ZNF737: variants seen among roughly 807,000 people sequenced by gnomAD.
ZNF737 encodes zinc finger protein 102 (Y3).
ZNF737 carries 13 observed loss-of-function variants against 11.7 expected under a neutral mutation model. The ratio of observed to expected loss-of-function variants is 1.11; its 90% CI spans 0.73 to 1.77. ZNF737 has a LOEUF of 1.77. ZNF737 is among the 40% of genes most tolerant of loss of function. The probability of loss-of-function intolerance (pLI) is 0.00; values close to 1 mark genes in which losing one functional copy is unlikely to be tolerated. For missense variants in ZNF737, 636 were observed against 638.0 expected, an observed-to-expected ratio of 1.00 and a Z score of 0.03; for synonymous variants, 217 against 216.2, an observed-to-expected ratio of 1.00 and a Z score of -0.03.
chr19:20,565,498 GA>G (rs1969264262), intron 1 of ZNF737, 139 bp downstream of exon 1: 1 of 1,462,272 alleles, frequency 6.8e-7, no homozygotes, highest in Non-Finnish European at 9.6e-7. Flanking sequence ...GAACGGGACT[GA>G]GGCCGAGCTG....
downstream of ZNF737, among the ~76,000 whole-genome samples, chr19:20,531,352 T>C (rs1213403875): frequency 6.7e-6 from 1 of 149,814 alleles, no homozygotes; most frequent in Non-Finnish European, 1.5e-5. Flanking sequence ...TGTTGTTGAT[T>C]TTAAAATTAT....
At chr19:20,548,480 TTGTC>T (rs1414483242) in intron 3 of ZNF737, among the ~76,000 whole-genome samples, 2 of 152,170 alleles carry the variant, frequency 1.3e-5, no homozygotes, top group Admixed American at 6.5e-5. Context: ...AGTGGAAGGT[TTGTC>T]TGTCAAAGGC....
chr19:20,550,030 C>T (rs1555757992), intron 3 of ZNF737, among the ~76,000 whole-genome samples: 1 of 151,528 alleles, frequency 6.6e-6, no homozygotes. Flanking sequence ...CACTGTGTGG[C>T]AGTAAAATTT....
chr19:20,552,486 G>A lies in ZNF737; in HGVS notation c.215C>T (p.Ala72Val). ...PLTMKKHEMV[A>V]NPSVTCSHFA... ...TCACTTGCACCTACCTGAGGGGTTG[G>A]CTACCATCTCATGTTTCTTCATGGT... The change falls in exon 3 of 4, where the codon GCC becomes GTC. Residue 72 changes from alanine to valine, a missense_variant. By Grantham distance (64) the Ala-to-Val change is moderately conservative. Coordinates refer to ENST00000427401, the MANE Select transcript of ZNF737 (RefSeq NM_001159293.2). The A allele has an allele frequency of 1.3e-6, 2 of 1,591,358 alleles. No homozygotes were observed. The highest frequency in any genetic ancestry group is 1.7e-6 in the Non-Finnish European group (2 of 1,171,772).
chr19:20,540,461 A>G lies in ZNF737; in HGVS notation c.*4131T>C, dbSNP rs1430991738. 3.3e-5 allele frequency among the ~76,000 whole-genome samples: 5 copies of G among 152,114 alleles called. No homozygotes were observed. Among genetic ancestry groups the G allele is most frequent in the Non-Finnish European group, 7.4e-5 (5 of 68,008 alleles). On this transcript the variant is annotated 3_prime_UTR_variant, in exon 4 of 4. Coordinates refer to ENST00000427401, the MANE Select transcript of ZNF737 (RefSeq NM_001159293.2). ...GAATGTTGCCTACCCACCTAAATAA[A>G]TGTTTAAAATCATCTTTTGCTGGGC...
intron 1 of ZNF737, among the ~76,000 whole-genome samples, chr19:20,557,610 C>G (rs891377564): frequency 1.5e-5 from 2 of 129,294 alleles, no homozygotes; most frequent in South Asian, 4.9e-4. Context: ...TTAAGGTTTT[C>G]TAGGGTAATT....
rs33927 is a variant in ZNF737 at position 20,544,405 on chromosome 19, C to T, written c.*187G>A. ...GTAAGGGCAGAGGTGTCCTTAAAGG[C>T]TTTGCTGCATTTTCTTATTTGTTGG... On this transcript the variant is annotated 3_prime_UTR_variant, in exon 4 of 4. Transcript: ENST00000427401. 0.1 allele frequency: 151,145 copies of T among 1,440,050 alleles called. 8,546 individuals carry two copies. Among genetic ancestry groups the T allele is most frequent in the East Asian group, 0.19 (7,616 of 40,094 alleles). The allele number at this position is 1,440,050 out of a possible 1,614,324, so 89.2% of individuals were successfully genotyped here.
At chr19:20,556,453 C>G (rs1021185488) in intron 1 of ZNF737, among the ~76,000 whole-genome samples, 9 of 152,254 alleles carry the variant, frequency 5.9e-5, no homozygotes, top group Non-Finnish European at 7.4e-5. Context: ...CATTGCCTCT[C>G]AAGCTTTAAC....
chr19:20,534,714 G>A (rs1383984354), downstream of ZNF737, among the ~76,000 whole-genome samples: 2 of 149,784 alleles, frequency 1.3e-5, no homozygotes, highest in African/African-American at 4.9e-5. Context: ...CAGAACAAAT[G>A]TGTTAAACTT....
chr19:20,545,888 G>C lies in ZNF737; in HGVS notation c.315C>G (p.Asn105Lys). ...TAAACTGTAAATTGTCATGTCCATA[G>C]TTTTCATATCTTCTCAGTGTCACTT... ...FQKVTLRRYE[N>K]YGHDNLQFKK... Residue 105 changes from asparagine to lysine, a missense_variant, in exon 4 of 4, where the codon AAC (asparagine) becomes AAG (lysine). By Grantham distance (94) the Asn-to-Lys change is moderately conservative (BLOSUM62 0). Transcript: ENST00000427401. 1 of 1,611,300 alleles carries C rather than the reference G, an allele frequency of 6.2e-7. No individual in the cohort carries two copies. Among genetic ancestry groups the C allele is most frequent in the South Asian group, 1.1e-5 (1 of 90,304 alleles).
At position 20,542,732 on chromosome 19, in the gene ZNF737, C is replaced by T; in HGVS notation, c.*1860G>A. The T allele has an allele frequency of 1.0e-6, 1 of 984,462 alleles. No homozygotes were observed. The highest frequency in any genetic ancestry group is 1.2e-6 in the Non-Finnish European group (1 of 829,128). The allele number at this position is 984,462 out of a possible 1,614,324, so 61.0% of individuals were successfully genotyped here. ...ACTTGTATTTTCATTATGCGTCTTA[C>T]ATTTTAATGTTCTTACTATTTTATA... On this transcript the variant is annotated 3_prime_UTR_variant, in exon 4 of 4. Transcript: ENST00000427401.
chr19:20,535,995 A>G (rs1409767337), downstream of ZNF737: 5 of 831,042 alleles, frequency 6.0e-6, no homozygotes, highest in African/African-American at 9.3e-5. Context: ...TATTTTCCAC[A>G]TTTTCCTGTT....
Position 20,545,438 on chromosome 19 carries a change from T to C in ZNF737, c.765A>G (p.Lys255=), listed in dbSNP as rs782274244. 10 of 1,613,764 alleles carry C rather than the reference T, an allele frequency of 6.2e-6. No homozygotes were observed. The Admixed American group carries it at 1.7e-4, about 27-fold the overall frequency. ...TGCCACATTCTTCACATTTGTAGGG[T>C]TTCTCTCCACTATGAATTATCTTAT... is the stretch of plus-strand genomic sequence containing the variant. ...TAHKIIHSGE[K]PYKCEECGKA... The change falls in exon 4 of 4, where the codon AAA becomes AAG. Residue 255 remains lysine (K), a synonymous_variant. Coordinates refer to ENST00000427401, the MANE Select transcript of ZNF737 (RefSeq NM_001159293.2).
intron 1 of ZNF737, among the ~76,000 whole-genome samples, chr19:20,554,180 G>A (rs145832381): frequency 6.6e-4 from 100 of 152,254 alleles, no homozygotes; most frequent in African/African-American, 2.4e-3. Context: ...AGTTTAGAAG[G>A]CACCTCTAAA....
chr19:20,535,744 C>T (rs1008701523), downstream of ZNF737: 10 of 151,740 alleles, frequency 6.6e-5, no homozygotes, highest in African/African-American at 2.4e-4. Flanking sequence ...CCAGGCTAGT[C>T]TCAAACTCCT....
At position 20,543,205 on chromosome 19, in the gene ZNF737, GAA is replaced by G. The variant is rs377391439; in HGVS notation, c.*1385_*1386del. 5 of 983,118 alleles carry G rather than the reference GAA, an allele frequency of 5.1e-6. No individual in the cohort carries two copies. The highest frequency in any genetic ancestry group is 4.8e-6 in the Non-Finnish European group (4 of 828,424). 60.9% of individuals were successfully genotyped at this position (983,118 alleles called of 1,614,324 possible). A position where few individuals can be genotyped will look rare whatever the true frequency, so the allele number is the denominator to read the frequency against. On this transcript the variant is annotated 3_prime_UTR_variant, in exon 4 of 4. Coordinates refer to ENST00000427401, the MANE Select transcript of ZNF737 (RefSeq NM_001159293.2). ...TGTTTTCTAAGCTGTAGTTTCTGGG[GAA>G]AAAAAAGTGTTTCTAAACTTAATAC...
At chr19:20,561,252 A>G (rs1969082029) in intron 1 of ZNF737, among the ~76,000 whole-genome samples, 1 of 152,074 alleles carries the variant, frequency 6.6e-6, no homozygotes, top group Non-Finnish European at 1.5e-5. Context: ...CTGCAGATTT[A>G]GTGTCTGGGG....
At chr19:20,531,241 GGGGAGAC>G (rs1437484933), downstream of ZNF737, among the ~76,000 whole-genome samples, 5 of 81,164 alleles carry the variant, frequency 6.2e-5, no homozygotes, top group African/African-American at 2.8e-4. Flanking sequence ...AGAGGGGAGA[GGGGAGAC>G]GGGAGAGGGG....
rs369922653 is a variant in ZNF737, at chr19:20,545,955, C to T, written c.248G>A (p.Arg83Gln). The T allele has an allele frequency of 4.8e-5, 74 of 1,551,536 alleles. No homozygotes were observed. In the African/African-American group the frequency reaches 6.0e-4, roughly 12 times the overall value. The change falls in exon 4 of 4, where the codon CGA becomes CAA. Residue 83 changes from arginine to glutamine, a missense_variant. Arg to Gln is a conservative substitution (Grantham distance 43). Transcript: ENST00000427401. Reference protein sequence around the residue: ...NPSVTCSHFARDLWPEQSIKD... With the variant: ...NPSVTCSHFAQDLWPEQSIKD... ...TATGCTCTGCTCTGGCCAAAGATCT[C>T]GGGCAAAATGAGAACACGTAACTGA...
Sources: allele counts gnomAD v4.1 joint callset (sites outside exome capture counted in the v4.1 genomes callset), GRCh38; gene constraint gnomAD v4.1.1; transcripts MANE v1.5; gene names NCBI Gene and HGNC (gene_info 2026-07-23, HGNC 2026-07-21).